The following USP3 variants were observed in gnomAD, a reference collection of about 807,000 sequenced individuals.
USP3 encodes the protein ubiquitin specific peptidase 3, also known as ubiquitin carboxyl-terminal hydrolase 3.
In USP3, 20 loss-of-function variants were observed where a neutral mutation model predicts 72.3. The observed-to-expected ratio is 0.28, with a 90% CI of 0.19 to 0.40. The LOEUF is 0.40. Ranked by LOEUF, USP3 falls within the 10% of genes least tolerant of loss-of-function variation. USP3 has a pLI of 1.00. For missense variants in USP3, 479 were observed against 633.9 expected (o/e 0.76, Z 2.62); for synonymous variants, 222 against 225.3 (o/e 0.99, Z 0.13).
chr15:63,589,214 A>G lies in USP3; in HGVS notation c.1397+203A>G. The G allele has an allele frequency of 6.8e-6, 4 of 591,692 alleles. No homozygotes were observed. The South Asian group carries it at 8.5e-5, about 13-fold the overall frequency. 36.7% of individuals were successfully genotyped at this position (591,692 alleles called of 1,614,324 possible). ...GGGAAGGTAAATAAAAGTGAAATGA[A>G]GAATGGTTCATTTGAACCCAGTATT... On this transcript the variant is annotated intron_variant, in intron 14 of 14. Coordinates refer to ENST00000380324, the MANE Select transcript of USP3 (RefSeq NM_006537.4).
intron 8 of USP3, among the ~76,000 whole-genome samples, chr15:63,567,568 G>A (rs932392586): frequency 4.6e-5 from 7 of 151,572 alleles, no homozygotes; most frequent in Admixed American, 1.3e-4. Flanking sequence ...GGATGGTCTC[G>A]ATCTCCTGAC....
intron 11 of USP3, among the ~76,000 whole-genome samples, chr15:63,585,590 C>T (rs1447209472): frequency 6.6e-6 from 1 of 152,094 alleles, no homozygotes; most frequent in African/African-American, 2.4e-5. Context: ...ATTCCCTTGA[C>T]AGTATCTTTT....
chr15:63,544,227 AAT>A lies in USP3; in HGVS notation c.284+7079_284+7080del, dbSNP rs1335661811. On this transcript the variant is annotated intron_variant, in intron 3 of 14. Transcript: ENST00000380324. The surrounding 1 kb of genome is among the most constrained non-coding windows in gnomAD (Gnocchi z 4.2). Reference sequence around the variant, plus strand: ...TACAAATATATACATATATATATAGAATATATATAGAGAGGGTAGTGGATACT... The same window carrying A: ...TACAAATATATACATATATATATAGAATATATAGAGAGGGTAGTGGATACT... 6.7e-6 allele frequency: 1 copy of A among 149,060 alleles called. No homozygotes were observed. Among genetic ancestry groups the A allele is most frequent in the East Asian group, 1.9e-4 (1 of 5,152 alleles). 9.2% of individuals were successfully genotyped at this position (149,060 alleles called of 1,614,324 possible). A position where few individuals can be genotyped will look rare whatever the true frequency, so the allele number is the denominator to read the frequency against.
intron 1 of USP3, among the ~76,000 whole-genome samples, chr15:63,514,329 G>A (rs1238831254): frequency 2.6e-5 from 4 of 151,902 alleles, no homozygotes; most frequent in African/African-American, 9.7e-5. Context: ...AAAAAATTCC[G>A]ACTCTTGGTT....
Position 63,592,759 on chromosome 15 carries a change from CTTTTT to C in USP3, c.*1942_*1946del, listed in dbSNP as rs34923651. ...CCTGTTCTATTAAAAACATCTTGACCTTTTTTTTTTTTTAAGTTTATGATATAAAA... is the reference window on the plus strand; with the variant it reads ...CCTGTTCTATTAAAAACATCTTGACCTTTTTTTTAAGTTTATGATATAAAA... On this transcript the variant is annotated 3_prime_UTR_variant, in exon 15 of 15. Transcript: ENST00000380324. The C allele has an allele frequency of 6.8e-6, 1 of 146,174 alleles. No homozygotes were observed. The highest frequency in any genetic ancestry group is 2.0e-4 in the East Asian group (1 of 5,000). The allele number at this position is 146,174 out of a possible 1,614,324, so 9.1% of individuals were successfully genotyped here. A position where few individuals can be genotyped will look rare whatever the true frequency, so the allele number is the denominator to read the frequency against.
At chr15:63,577,110 C>T (rs1304559068) in intron 11 of USP3, among the ~76,000 whole-genome samples, 7 of 152,148 alleles carry the variant, frequency 4.6e-5, no homozygotes, top group Admixed American at 2.0e-4. Flanking sequence ...ACTAAAAATA[C>T]GCATATTGCA....
chr15:63,548,135 A>G (rs933937968), intron 3 of USP3, among the ~76,000 whole-genome samples: 3 of 151,318 alleles, frequency 2.0e-5, no homozygotes, highest in African/African-American at 7.3e-5. Flanking sequence ...AGTTACAAAA[A>G]ACTAAAAAAA....
At chr15:63,521,242 C>T (rs1305763121) in intron 1 of USP3, among the ~76,000 whole-genome samples, 1 of 151,172 alleles carries the variant, frequency 6.6e-6, no homozygotes, top group African/African-American at 2.4e-5. Context: ...AGTACTCCAT[C>T]TGTGGATGTG....
At chr15:63,590,296 C>T (rs1336483645) in intron 14 of USP3, among the ~76,000 whole-genome samples, 2 of 152,040 alleles carry the variant, frequency 1.3e-5, no homozygotes. Context: ...AGGGTAGAGC[C>T]CCTGATGACC....
At position 63,530,728 on chromosome 15, in the gene USP3, G is replaced by T. The variant is rs150763463; in HGVS notation, c.92-1919G>T. ...CCATGAATAGCTGTTCAAGTAAGCTGTGTACTAGTTTACTTTTTATTTTGT... is the reference window on the plus strand; with the variant it reads ...CCATGAATAGCTGTTCAAGTAAGCTTTGTACTAGTTTACTTTTTATTTTGT... On this transcript the variant is annotated intron_variant, in intron 1 of 14. Transcript: ENST00000380324. 397 of 325,100 alleles carry T rather than the reference G, an allele frequency of 1.2e-3. 2 individuals are homozygous for T. The East Asian group carries it at 0.02, about 16-fold the overall frequency. 20.1% of individuals were successfully genotyped at this position (325,100 alleles called of 1,614,324 possible).
Position 63,528,417 on chromosome 15 carries a change from G to A in USP3, c.92-4230G>A, listed in dbSNP as rs56367608. Among the ~76,000 whole-genome samples the A allele has an allele frequency of 0.06, 9,055 of 152,034 alleles. 325 individuals are homozygous for A. The highest frequency in any genetic ancestry group is 0.1 in the African/African-American group (4,141 of 41,370). Reference sequence around the variant, plus strand: ...TAAATTCCCAGACTTAACTTTTTAAGCCTTCACAAGTGTCTATCCTTATCA... The same window carrying A: ...TAAATTCCCAGACTTAACTTTTTAAACCTTCACAAGTGTCTATCCTTATCA... On this transcript the variant is annotated intron_variant, in intron 1 of 14. Coordinates refer to ENST00000380324, the MANE Select transcript of USP3 (RefSeq NM_006537.4). This position sits in a 1 kb window ranked among gnomAD's most constrained non-coding sequence, Gnocchi z 4.3.
intron 11 of USP3, among the ~76,000 whole-genome samples, chr15:63,580,641 C>CATATATATAT (rs1210661793): frequency 1.0e-4 from 5 of 49,552 alleles, no homozygotes; most frequent in Non-Finnish European, 2.4e-4. Context: ...GAAAGTGGTG[C>CATATATATAT]ATATATATAT....
intron 11 of USP3, among the ~76,000 whole-genome samples, chr15:63,584,846 G>A (rs866578710): frequency 6.6e-6 from 1 of 152,122 alleles, no homozygotes; most frequent in Non-Finnish European, 1.5e-5. Flanking sequence ...CTAATGTCAT[G>A]AAGCTTTTCC....
intron 7 of USP3, among the ~76,000 whole-genome samples, chr15:63,561,563 C>T (rs960273208): frequency 6.6e-6 from 1 of 152,156 alleles, no homozygotes; most frequent in African/African-American, 2.4e-5. Context: ...TGCTCTTTGC[C>T]CCCCCTGCTA....
intron 1 of USP3, among the ~76,000 whole-genome samples, chr15:63,523,864 C>G (rs1038097072): frequency 6.6e-6 from 1 of 151,998 alleles, no homozygotes; most frequent in South Asian, 2.1e-4. Flanking sequence ...TTCAGTAAAG[C>G]CTGGGGTTTC....
At chr15:63,547,755 AGG>A (rs1567108566) in intron 3 of USP3, among the ~76,000 whole-genome samples, 8 of 31,086 alleles carry the variant, frequency 2.6e-4, no homozygotes, top group Admixed American at 3.2e-4. Context: ...GGAGGGAGGG[AGG>A]GAGGGAGAGA....
Position 63,592,363 on chromosome 15 carries a change from GC to G in USP3, c.*1538del. On this transcript the variant is annotated 3_prime_UTR_variant, in exon 15 of 15. Transcript: ENST00000380324. The stretch of plus-strand genomic sequence containing the variant: ...TTTTTTTTCTTTTTTTTGGTTGGGG[GC>G]GGTGGGGGTTGGTAGACATAGCCTA... 7.3e-6 allele frequency: 1 copy of G among 136,206 alleles called. No individual in the cohort carries two copies. Among genetic ancestry groups the G allele is most frequent in the Non-Finnish European group, 1.7e-5 (1 of 58,394 alleles). The allele number at this position is 136,206 out of a possible 1,614,324, so 8.4% of individuals were successfully genotyped here. A position where few individuals can be genotyped will look rare whatever the true frequency, so the allele number is the denominator to read the frequency against.
chr15:63,515,277 A>G (rs1048776940), intron 1 of USP3, among the ~76,000 whole-genome samples: 1 of 152,244 alleles, frequency 6.6e-6, no homozygotes, highest in Admixed American at 6.5e-5. Flanking sequence ...GGTAGAAGGA[A>G]CCATAACAAA....
At position 63,504,733 on chromosome 15, in the gene USP3, C is replaced by G. The variant is rs369657012; in HGVS notation, c.-7C>G. ...CCGCAGTCCTCCCAGCTGCCCTCCT[C>G]GTGGCCATGGAGTGTCCACACCTGA... On this transcript the variant is annotated 5_prime_UTR_variant, in exon 1 of 15. Coordinates refer to ENST00000380324, the MANE Select transcript of USP3 (RefSeq NM_006537.4). 1.9e-6 allele frequency: 3 copies of G among 1,601,358 alleles called. No individual in the cohort carries two copies. The South Asian group carries it at 3.4e-5, about 18-fold the overall frequency.
Sources: allele counts gnomAD v4.1 joint callset (sites outside exome capture counted in the v4.1 genomes callset), GRCh38; gene constraint gnomAD v4.1.1; non-coding constraint Gnocchi (gnomAD v3.1); transcripts MANE v1.5; gene names NCBI Gene and HGNC (gene_info 2026-07-23, HGNC 2026-07-21).